Variants in THSD7B observed in about 807,000 individuals in gnomAD.
The protein encoded by THSD7B is thrombospondin type 1 domain containing 7B, also known as thrombospondin type-1 domain-containing protein 7B.
A neutral mutation model predicts 213.6 loss-of-function variants in THSD7B; 138 were observed. The observed-to-expected ratio is 0.65, with a 90% CI of 0.56 to 0.74. THSD7B has a LOEUF of 0.74. THSD7B is among the 30% of genes least tolerant of loss of function. The pLI is 0.00. For missense variants in THSD7B, 1,931 were observed against 1,991.5 expected (o/e 0.97, Z 0.58); for synonymous variants, 742 against 687.0 (o/e 1.08, Z -1.25).
chr2:137,625,474 T>TAA (rs112693288), intron 20 of THSD7B, among the ~76,000 whole-genome samples: 9,951 of 149,996 alleles, frequency 0.066, 459 homozygotes, highest in African/African-American at 0.12. Flanking sequence ...TGAAGTATAA[T>TAA]TAAAAAAAAA....
rs1250725235 is a variant in THSD7B at position 137,004,493 on chromosome 2, A to AT, written c.140-51921dup. 2.6e-5 allele frequency among the ~76,000 whole-genome samples: 4 copies of AT among 152,278 alleles called. No homozygotes were observed. In the East Asian group the frequency reaches 5.8e-4, roughly 22 times the overall value. Reference sequence around the variant, plus strand: ...TCTTTCAATATGCCTCCTATGATGGATTTTTTAAAAGGCAATGAAATACAA... The same window carrying AT: ...TCTTTCAATATGCCTCCTATGATGGATTTTTTTAAAAGGCAATGAAATACAA... On this transcript the variant is annotated intron_variant, in intron 2 of 27. Transcript: ENST00000409968.
intron 2 of THSD7B, among the ~76,000 whole-genome samples, chr2:136,941,834 G>A (rs1365806326): frequency 1.3e-5 from 2 of 152,186 alleles, no homozygotes; most frequent in Non-Finnish European, 2.9e-5. Flanking sequence ...TTGCTGTGCA[G>A]AAACTCTTTA....
chr2:137,396,842 G>A (rs2104988758), intron 12 of THSD7B, among the ~76,000 whole-genome samples: 1 of 151,798 alleles, frequency 6.6e-6, no homozygotes, highest in Non-Finnish European at 1.5e-5. Context: ...ATGAATCTGG[G>A]TGCTCCTGTA....
At chr2:136,997,332 G>A (rs557311908) in intron 2 of THSD7B, among the ~76,000 whole-genome samples, 51 of 152,272 alleles carry the variant, frequency 3.3e-4, no homozygotes, top group Admixed American at 6.5e-4. Context: ...TAAAATTAGA[G>A]TGTAAATATA....
chr2:136,990,417 G>A (rs1421686283), intron 2 of THSD7B, among the ~76,000 whole-genome samples: 1 of 152,136 alleles, frequency 6.6e-6, no homozygotes, highest in Non-Finnish European at 1.5e-5. Context: ...GTGGCCGAGA[G>A]TCAGGAAATT....
chr2:136,892,356 C>A (rs1012803721), intron 2 of THSD7B, among the ~76,000 whole-genome samples: 45 of 152,266 alleles, frequency 3.0e-4, no homozygotes, highest in African/African-American at 1.1e-3. Flanking sequence ...TACCTGGCCA[C>A]TCCTAGCCAC....
At chr2:136,988,894 A>G (rs1415619897) in intron 2 of THSD7B, among the ~76,000 whole-genome samples, 1 of 152,238 alleles carries the variant, frequency 6.6e-6, no homozygotes, top group East Asian at 1.9e-4. Context: ...AATGAATCAG[A>G]AAAACAATGA....
chr2:136,981,161 G>C (rs1051037479), intron 2 of THSD7B, among the ~76,000 whole-genome samples: 1 of 152,176 alleles, frequency 6.6e-6, no homozygotes, highest in Admixed American at 6.5e-5. Flanking sequence ...TAGGTAAAAT[G>C]TACTGATAAA....
At chr2:137,287,779 GT>G (rs542224366) in intron 12 of THSD7B, among the ~76,000 whole-genome samples, 23 of 148,770 alleles carry the variant, frequency 1.5e-4, no homozygotes, top group Admixed American at 1.4e-3. Context: ...AGATGGGTGG[GT>G]GGGGGTAATT....
intron 16 of THSD7B, among the ~76,000 whole-genome samples, chr2:137,568,130 G>T (rs891360780): frequency 6.6e-6 from 1 of 152,034 alleles, no homozygotes; most frequent in Non-Finnish European, 1.5e-5. Flanking sequence ...GTTTGTTGAT[G>T]ATCTCACTAA....
intron 2 of THSD7B, among the ~76,000 whole-genome samples, chr2:137,006,794 A>AG (rs1686122502): frequency 6.6e-6 from 1 of 152,180 alleles, no homozygotes; most frequent in Non-Finnish European, 1.5e-5. Context: ...CTCCATACTA[A>AG]GGGGCACATT....
At chr2:136,784,152 C>T (rs536882707) in intron 1 of THSD7B, among the ~76,000 whole-genome samples, 4 of 152,290 alleles carry the variant, frequency 2.6e-5, no homozygotes, top group African/African-American at 9.6e-5. Flanking sequence ...TACGACTCAC[C>T]TTTACCCTGT....
chr2:137,447,503 ATGT>A (rs1008628695), intron 14 of THSD7B, among the ~76,000 whole-genome samples: 1 of 152,172 alleles, frequency 6.6e-6, no homozygotes, highest in African/African-American at 2.4e-5. Context: ...AAATGAAGTA[ATGT>A]TGTGACTTCC....
intron 2 of THSD7B, among the ~76,000 whole-genome samples, chr2:137,000,503 T>C (rs948020015): frequency 3.9e-5 from 6 of 152,180 alleles, no homozygotes; most frequent in Middle Eastern, 3.2e-3. Flanking sequence ...AACACTGTTA[T>C]TACATTCTTA....
chr2:137,492,539 C>T (rs562788315), intron 15 of THSD7B, among the ~76,000 whole-genome samples: 2 of 152,112 alleles, frequency 1.3e-5, no homozygotes, highest in Non-Finnish European at 2.9e-5. Flanking sequence ...GCCAAAGAAA[C>T]ATCTGTAATT....
chr2:137,449,736 A>C (rs1687610298), intron 14 of THSD7B, among the ~76,000 whole-genome samples: 1 of 151,870 alleles, frequency 6.6e-6, no homozygotes, highest in East Asian at 1.9e-4. Flanking sequence ...CAGCAGGAGA[A>C]TCTCTCTCTC....
At chr2:136,969,994 G>C (rs980319741) in intron 2 of THSD7B, among the ~76,000 whole-genome samples, 1 of 152,084 alleles carries the variant, frequency 6.6e-6, no homozygotes, top group Non-Finnish European at 1.5e-5. Flanking sequence ...AGGCAATGTG[G>C]TTAAAAAAGA....
intron 12 of THSD7B, among the ~76,000 whole-genome samples, chr2:137,377,686 G>C (rs1026878420): frequency 1.3e-5 from 2 of 151,716 alleles, no homozygotes; most frequent in Non-Finnish European, 2.9e-5. Flanking sequence ...GAGTATAGTG[G>C]TGCGATCCTG....
Position 137,244,996 on chromosome 2 carries a change from T to TG in THSD7B, c.2266+2431dup, listed in dbSNP as rs369846047. Among the ~76,000 whole-genome samples, 379 of 152,116 alleles carry TG rather than the reference T, an allele frequency of 2.5e-3. 1 individual carries two copies. Among genetic ancestry groups the TG allele is most frequent in the African/African-American group, 7.7e-3 (319 of 41,494 alleles). On this transcript the variant is annotated intron_variant, in intron 10 of 27. Transcript: ENST00000409968. ...ACTAGAAATTCTGATTCAATAACTA[T>TG]GGGGGGGTGGTGTCCCAGAAATTTT... is the stretch of plus-strand genomic sequence containing the variant.
Sources: allele counts gnomAD v4.1 joint callset (sites outside exome capture counted in the v4.1 genomes callset), GRCh38; gene constraint gnomAD v4.1.1; transcripts MANE v1.5; gene names NCBI Gene and HGNC (gene_info 2026-07-23, HGNC 2026-07-21).